MMP16: variants seen among roughly 807,000 people sequenced by gnomAD.
MMP16 encodes matrix metalloproteinase-16.
MMP16 carries 12 observed loss-of-function variants against 67.8 expected under a neutral mutation model. The observed-to-expected ratio is 0.18, with a 90% CI of 0.11 to 0.29. The LOEUF (loss-of-function observed/expected upper bound fraction) is 0.29. Ranked by LOEUF, MMP16 falls within the 10% of genes least tolerant of loss-of-function variation. The probability of loss-of-function intolerance (pLI) is 1.00; values close to 1 mark genes in which losing one functional copy is unlikely to be tolerated. For synonymous variants in MMP16, 249 were observed against 255.9 expected, an observed-to-expected ratio of 0.97 and a Z score of 0.26; for missense variants, 475 against 765.7, an observed-to-expected ratio of 0.62 and a Z score of 4.48.
intron 6 of MMP16, among the ~76,000 whole-genome samples, chr8:88,080,987 C>T (rs1180391459): frequency 1.3e-5 from 2 of 152,036 alleles, no homozygotes; most frequent in South Asian, 4.1e-4. Flanking sequence ...TCTTTGCAAG[C>T]AGTATGAGAT....
intron 1 of MMP16, among the ~76,000 whole-genome samples, chr8:88,318,272 T>C (rs1433090513): frequency 6.6e-6 from 1 of 152,220 alleles, no homozygotes; most frequent in Non-Finnish European, 1.5e-5. Flanking sequence ...AATACTACAA[T>C]TTAATATTGT....
At chr8:88,195,970 T>A in intron 2 of MMP16, among the ~76,000 whole-genome samples, 1 of 152,162 alleles carries the variant, frequency 6.6e-6, no homozygotes, top group East Asian at 1.9e-4. Context: ...AAATTATGTA[T>A]TAAATTAGTT....
At chr8:88,299,556 A>G (rs7834743) in intron 1 of MMP16, among the ~76,000 whole-genome samples, 137,423 of 152,058 alleles carry the variant, frequency 0.9, 62,147 homozygotes, top group East Asian at 0.96. Context: ...TCCACCTGCC[A>G]AATTTGAAAC....
chr8:88,249,151 G>A (rs943150137), intron 1 of MMP16, among the ~76,000 whole-genome samples: 2 of 151,944 alleles, frequency 1.3e-5, no homozygotes, highest in Non-Finnish European at 2.9e-5. Flanking sequence ...AGATACATAA[G>A]AGAGCTAACG....
chr8:88,270,399 T>A (rs141325713), intron 1 of MMP16, among the ~76,000 whole-genome samples: 11 of 152,304 alleles, frequency 7.2e-5, no homozygotes, highest in African/African-American at 2.2e-4. Flanking sequence ...GTGAATAAGG[T>A]CTGCAATAGC....
At chr8:88,285,286 C>A (rs767260725) in intron 1 of MMP16, among the ~76,000 whole-genome samples, 1 of 151,856 alleles carries the variant, frequency 6.6e-6, no homozygotes, top group Non-Finnish European at 1.5e-5. Flanking sequence ...ATTACAGGCG[C>A]CTGCCACCAC....
intron 1 of MMP16, among the ~76,000 whole-genome samples, chr8:88,304,370 A>G (rs1811180163): frequency 6.6e-6 from 1 of 152,212 alleles, no homozygotes; most frequent in African/African-American, 2.4e-5. Flanking sequence ...TGAAAAACGT[A>G]CTTCAGGATA....
intron 1 of MMP16, among the ~76,000 whole-genome samples, chr8:88,292,870 T>C (rs1213897026): frequency 6.6e-6 from 1 of 152,200 alleles, no homozygotes; most frequent in Non-Finnish European, 1.5e-5. Flanking sequence ...TATTTTTTAA[T>C]ATTTAACATA....
chr8:88,272,331 C>T (rs1212155398), intron 1 of MMP16, among the ~76,000 whole-genome samples: 1 of 152,098 alleles, frequency 6.6e-6, no homozygotes. Context: ...TATGTTAATT[C>T]ATGTCAGAGT....
At chr8:88,275,463 C>A (rs979334754) in intron 1 of MMP16, among the ~76,000 whole-genome samples, 4 of 151,746 alleles carry the variant, frequency 2.6e-5, no homozygotes, top group Non-Finnish European at 4.4e-5. Context: ...TTTTCAGGAT[C>A]CCTTTCATCT....
At position 88,061,961 on chromosome 8, in the gene MMP16, G is replaced by A. The variant is rs1262565582; in HGVS notation, c.1223-5683C>T. The stretch of plus-strand genomic sequence containing the variant: ...TTATGAAAACAAAGCAAAATAGAGA[G>A]CTTATCAGTAAACATTTGCTATAAA... On this transcript the variant is annotated intron_variant, in intron 7 of 9. Coordinates refer to ENST00000286614, the MANE Select transcript of MMP16 (RefSeq NM_005941.5). Among the ~76,000 whole-genome samples, 3 of 151,478 alleles carry A rather than the reference G, an allele frequency of 2.0e-5. No homozygotes were observed. The East Asian group carries it at 5.8e-4, about 30-fold the overall frequency.
chr8:88,289,645 G>A (rs753674587), intron 1 of MMP16, among the ~76,000 whole-genome samples: 3 of 150,934 alleles, frequency 2.0e-5, no homozygotes, highest in Non-Finnish European at 2.9e-5. Flanking sequence ...TACAGTTGCC[G>A]TGTACTCTGA....
intron 1 of MMP16, among the ~76,000 whole-genome samples, chr8:88,304,889 C>T (rs1811189716): frequency 6.6e-6 from 1 of 152,280 alleles, no homozygotes; most frequent in Non-Finnish European, 1.5e-5. Flanking sequence ...ACCACATAAA[C>T]AAGTCTGCAA....
Position 88,036,565 on chromosome 8 carries a change from G to A in MMP16, c.*4896C>T, listed in dbSNP as rs573035953. On this transcript the variant is annotated 3_prime_UTR_variant, in exon 10 of 10. Coordinates refer to ENST00000286614, the MANE Select transcript of MMP16 (RefSeq NM_005941.5). Reference sequence around the variant, plus strand: ...TAGTTATGATTCCCTCCTAGGCAACGTGGAGCCTGTAACTTAACTGCATAT... The same window carrying A: ...TAGTTATGATTCCCTCCTAGGCAACATGGAGCCTGTAACTTAACTGCATAT... 15 of 151,784 alleles carry A rather than the reference G, an allele frequency of 9.9e-5. No individual in the cohort carries two copies. Among genetic ancestry groups the A allele is most frequent in the African/African-American group, 3.4e-4 (14 of 41,476 alleles). The allele number at this position is 151,784 out of a possible 1,614,324, so 9.4% of individuals were successfully genotyped here. A position where few individuals can be genotyped will look rare whatever the true frequency, so the allele number is the denominator to read the frequency against.
intron 7 of MMP16, among the ~76,000 whole-genome samples, chr8:88,057,305 A>C (rs1247461261): frequency 6.6e-6 from 1 of 152,118 alleles, no homozygotes; most frequent in Non-Finnish European, 1.5e-5. Context: ...TATCCTAAAT[A>C]AGGAAGGGCC....
At chr8:88,053,404 C>T (rs182510850) in intron 8 of MMP16, among the ~76,000 whole-genome samples, 29 of 152,250 alleles carry the variant, frequency 1.9e-4, no homozygotes, top group Non-Finnish European at 3.5e-4. Flanking sequence ...TTCGCTATTG[C>T]GCAACTTGGA....
At chr8:88,149,962 GA>G (rs1586176344) in intron 4 of MMP16, among the ~76,000 whole-genome samples, 1 of 109,474 alleles carries the variant, frequency 9.1e-6, no homozygotes, top group Non-Finnish European at 1.9e-5. Context: ...TGAAAACTTT[GA>G]AAAAAATTTA....
rs1809272359 is a variant in MMP16, at chr8:88,197,309, G to A, written c.133-3C>T. The A allele has an allele frequency of 5.8e-6, 9 of 1,543,672 alleles. No individual in the cohort carries two copies. Among genetic ancestry groups the A allele is most frequent in the Admixed American group, 2.2e-5 (1 of 44,958 alleles). The stretch of plus-strand genomic sequence containing the variant: ...TAGCCGTACTTTTGTAACCAAACCT[G>A]CAATAACAAGTACAGTTTCTTTTAG... On this transcript the variant is annotated splice_region_variant and splice_polypyrimidine_tract_variant and intron_variant, in intron 1 of 9. Transcript: ENST00000286614.
intron 1 of MMP16, among the ~76,000 whole-genome samples, chr8:88,319,464 T>G (rs1220384690): frequency 1.3e-5 from 2 of 150,494 alleles, no homozygotes; most frequent in African/African-American, 4.9e-5. Context: ...AAGTAGAGCG[T>G]GAGAAAAGGA....
Sources: gnomAD v4.1 joint callset for allele counts (sites outside exome capture counted in the v4.1 genomes callset) on GRCh38, gnomAD v4.1.1 for gene constraint, MANE v1.5 for transcripts, NCBI Gene and HGNC (gene_info 2026-07-23, HGNC 2026-07-21) for gene names.